The following KANK4 variants were observed in gnomAD, a reference collection of about 807,000 sequenced individuals.
The protein encoded by KANK4 is KN motif and ankyrin repeat domain-containing protein 4.
KANK4 carries 50 observed loss-of-function variants against 80.8 expected under a neutral mutation model. The ratio of observed to expected loss-of-function variants is 0.62; its 90% confidence interval spans 0.49 to 0.78. The LOEUF (loss-of-function observed/expected upper bound fraction) is 0.78. KANK4 is among the 30% of genes least tolerant of loss of function. The probability of loss-of-function intolerance (pLI) is 0.00; values close to 1 mark genes in which losing one functional copy is unlikely to be tolerated. For missense variants in KANK4, 1,196 were observed against 1,240.1 expected (o/e 0.96, Z 0.53); for synonymous variants, 465 against 506.9 (o/e 0.92, Z 1.11).
Position 62,274,380 on chromosome 1 carries a change from G to A in KANK4, c.724C>T (p.Pro242Ser), listed in dbSNP as rs375360104. Residue 242 changes from proline (P) to serine (S), a missense_variant, in exon 3 of 10, where the codon CCA becomes TCA. Around this residue, in one of 3 missense-constraint regions of KANK4, gnomAD observed 1,154 missense variants for 1,179.6 expected, o/e 0.98. Coordinates refer to ENST00000371153, the MANE Select transcript of KANK4 (RefSeq NM_181712.5). ...AEPPEGVVKV[P>S]NHLPLPGPPF... ...GGGCCTGGGAGAGGGAGGTGATTTG[G>A]AACCTTCACCACACCCTCTGGAGGC... The A allele has an allele frequency of 2.7e-5, 44 of 1,614,024 alleles. No individual in the cohort carries two copies. The highest frequency in any genetic ancestry group is 3.7e-5 in the Non-Finnish European group (44 of 1,180,016).
intron 7 of KANK4, among the ~76,000 whole-genome samples, chr1:62,262,076 T>C (rs1671898772): frequency 6.6e-6 from 1 of 152,180 alleles, no homozygotes; most frequent in South Asian, 2.1e-4. Context: ...AAATATCTAA[T>C]GAAAGATGAA....
At chr1:62,285,667 C>T (rs1029276604) in intron 1 of KANK4, among the ~76,000 whole-genome samples, 6 of 152,060 alleles carry the variant, frequency 3.9e-5, no homozygotes, top group South Asian at 4.2e-4. Flanking sequence ...CTCATTGCCA[C>T]GAGAATTCTT....
chr1:62,237,972 G>A lies in KANK4; in HGVS notation c.*305C>T, dbSNP rs993999974. The stretch of plus-strand genomic sequence containing the variant: ...CCTGCTTGCTACACAATGTTACAGA[G>A]GGTAGAGTCATGAGGAATTCAAGGC... On this transcript the variant is annotated 3_prime_UTR_variant, in exon 10 of 10. Transcript: ENST00000371153. The A allele has an allele frequency of 6.8e-6, 2 of 295,410 alleles. No homozygotes were observed. Among genetic ancestry groups the A allele is most frequent in the African/African-American group, 2.1e-5 (1 of 47,466 alleles). 18.3% of individuals were successfully genotyped at this position (295,410 alleles called of 1,614,324 possible).
chr1:62,263,351 G>T, intron 6 of KANK4, 40 bp from the exon 7 acceptor site: 1 of 1,517,144 alleles, frequency 6.6e-7, no homozygotes, highest in Non-Finnish European at 9.0e-7. Context: ...AGGTTCCCCG[G>T]CCAGCAAGAG....
chr1:62,281,444 A>C (rs1296202848), intron 2 of KANK4, 105 bp downstream of exon 2: 1 of 1,352,464 alleles, frequency 7.4e-7, no homozygotes, highest in East Asian at 2.3e-5. Context: ...TTTGAGGGAT[A>C]TCTCCTGCAG....
At chr1:62,265,478 G>T (rs895398832) in intron 6 of KANK4, among the ~76,000 whole-genome samples, 1 of 152,150 alleles carries the variant, frequency 6.6e-6, no homozygotes, top group Non-Finnish European at 1.5e-5. Context: ...CTGGGCTCAA[G>T]TGATCCACCT....
At chr1:62,307,479 CAAA>C (rs3039730) in intron 1 of KANK4, among the ~76,000 whole-genome samples, 3 of 113,220 alleles carry the variant, frequency 2.6e-5, no homozygotes, top group African/African-American at 6.9e-5. Flanking sequence ...GAGACTCTGC[CAAA>C]AAAAAAAAAA....
chr1:62,273,089 C>T, intron 3 of KANK4, 115 bp downstream of exon 3: 1 of 729,394 alleles, frequency 1.4e-6, no homozygotes, highest in South Asian at 3.7e-5. Context: ...CTGCTCCCAG[C>T]TGCTAAAATC....
chr1:62,274,098 T>C lies in KANK4; in HGVS notation c.1006A>G (p.Arg336Gly), dbSNP rs1672242789. The change falls in exon 3 of 10, where the codon AGG becomes GGG. Residue 336 changes from arginine (R) to glycine (G), a missense_variant. Coordinates refer to ENST00000371153, the MANE Select transcript of KANK4 (RefSeq NM_181712.5). ...CTGGAGATGCTGCCTGGATCCACCC[T>C]GGCAAGGCCCAGGCTTTCCTCAGTT... The part of the protein sequence containing the change: ...RVTEESLGLA[R>G]VDPGSISSLK... 6.8e-6 allele frequency: 11 copies of C among 1,614,194 alleles called. No individual in the cohort carries two copies. The highest frequency in any genetic ancestry group is 1.3e-5 in the African/African-American group (1 of 75,052).
chr1:62,264,579 T>C (rs1671973882), intron 6 of KANK4, among the ~76,000 whole-genome samples: 1 of 152,202 alleles, frequency 6.6e-6, no homozygotes, highest in South Asian at 2.1e-4. Context: ...CTTACACACC[T>C]GCTTCTTCCT....
intron 2 of KANK4, among the ~76,000 whole-genome samples, chr1:62,280,715 T>C (rs1672433903): frequency 6.6e-6 from 1 of 152,228 alleles, no homozygotes; most frequent in Non-Finnish European, 1.5e-5. Context: ...TTATGCTAGG[T>C]AGTTGTTACT....
chr1:62,296,518 A>C (rs1421284676), intron 1 of KANK4, among the ~76,000 whole-genome samples: 4 of 152,154 alleles, frequency 2.6e-5, no homozygotes, highest in Non-Finnish European at 4.4e-5. Context: ...AAGGCTCCGA[A>C]AGCACAGAAA....
At chr1:62,309,061 A>G (rs377029585) in intron 1 of KANK4, among the ~76,000 whole-genome samples, 54 of 152,348 alleles carry the variant, frequency 3.5e-4, no homozygotes, top group African/African-American at 1.2e-3. Context: ...ACAAACTACC[A>G]TAAGATGGGT....
At chr1:62,265,986 G>T (rs573512590) in intron 6 of KANK4, among the ~76,000 whole-genome samples, 1 of 152,218 alleles carries the variant, frequency 6.6e-6, no homozygotes, top group East Asian at 1.9e-4. Flanking sequence ...CCTGAGCATC[G>T]AACTGACTTG....
intron 4 of KANK4, among the ~76,000 whole-genome samples, chr1:62,268,866 G>A (rs1570994473): frequency 6.6e-6 from 1 of 152,210 alleles, no homozygotes; most frequent in South Asian, 2.1e-4. Context: ...GCATTTGCTT[G>A]TGCAATCCTA....
intron 1 of KANK4, among the ~76,000 whole-genome samples, chr1:62,307,564 A>T (rs1047803352): frequency 2.0e-5 from 3 of 151,784 alleles, no homozygotes; most frequent in African/African-American, 7.3e-5. Context: ...AATAGTTTAG[A>T]ATTTCCTTTC....
At chr1:62,300,725 G>A (rs954745986) in intron 1 of KANK4, among the ~76,000 whole-genome samples, 18 of 151,976 alleles carry the variant, frequency 1.2e-4, no homozygotes, top group African/African-American at 4.3e-4. Context: ...TAAGCAGGGA[G>A]GAACAAGACG....
chr1:62,243,395 G>A (rs1184376259), intron 9 of KANK4, among the ~76,000 whole-genome samples: 3 of 151,052 alleles, frequency 2.0e-5, no homozygotes, highest in Non-Finnish European at 2.9e-5. Flanking sequence ...TTGGAGTGCA[G>A]TGGCGCAATC....
At chr1:62,289,874 A>G (rs1423459637) in intron 1 of KANK4, among the ~76,000 whole-genome samples, 1 of 152,212 alleles carries the variant, frequency 6.6e-6, no homozygotes, top group Non-Finnish European at 1.5e-5. Context: ...CAAGTCAAGT[A>G]CTAGCTGAAA....
Sources: gnomAD v4.1 joint callset for allele counts (sites outside exome capture counted in the v4.1 genomes callset) on GRCh38, gnomAD v4.1.1 for gene constraint, gnomAD v4.1.1 regional missense constraint, MANE v1.5 for transcripts, NCBI Gene and HGNC (gene_info 2026-07-23, HGNC 2026-07-21) for gene names.